The following EPHA1 variants were observed in gnomAD, a reference collection of about 807,000 sequenced individuals.
EPHA1 encodes EPH receptor A1.
Under a neutral mutation model 110.1 loss-of-function variants are expected in EPHA1, and 92 were observed. That is an observed-to-expected ratio of 0.84 (90% confidence interval 0.71 to 0.99). The LOEUF is 0.99. Among genes scored for constraint, EPHA1 ranks in the 50% least tolerant of loss-of-function variants. The pLI, the probability that EPHA1 is intolerant of heterozygous loss-of-function variation, is 0.00. For missense variants in EPHA1, 1,204 were observed against 1,285.4 expected, an observed-to-expected ratio of 0.94 and a Z score of 0.97; for synonymous variants, 500 against 516.1, an observed-to-expected ratio of 0.97 and a Z score of 0.42.
Position 143,393,472 on chromosome 7 carries a change from C to G in EPHA1, c.2696+199G>C, listed in dbSNP as rs1329118729. On this transcript the variant is annotated intron_variant, in intron 16 of 17. Transcript: ENST00000275815. This position sits in a 1 kb window ranked among gnomAD's most constrained non-coding sequence, Gnocchi z 5.6. ...CAGGTGAAGTGAGGGAACTGGGGCC[C>G]AGCCATAACTGATTTTCTGCAAATA... Among the ~76,000 whole-genome samples, 1 of 152,148 alleles carries G rather than the reference C, an allele frequency of 6.6e-6. No individual in the cohort carries two copies. The highest frequency in any genetic ancestry group is 1.5e-5 in the Non-Finnish European group (1 of 68,026).
chr7:143,400,628 T>TA (rs1469560799), intron 3 of EPHA1, among the ~76,000 whole-genome samples: 1 of 152,224 alleles, frequency 6.6e-6, no homozygotes, highest in Admixed American at 6.5e-5. Flanking sequence ...ACTCCAGTGA[T>TA]ACTATGGGAG....
chr7:143,394,429 T>G (rs1369350319), intron 14 of EPHA1, 86 bp from the exon 15 acceptor site: 2 of 1,440,500 alleles, frequency 1.4e-6, no homozygotes, highest in Non-Finnish European at 1.8e-6. Flanking sequence ...TATTTTTATT[T>G]TATTTTTTTT....
At position 143,398,417 on chromosome 7, in the gene EPHA1, C is replaced by T; in HGVS notation, c.1368G>A (p.Val456=). The T allele has an allele frequency of 1.9e-6, 3 of 1,614,154 alleles. No individual in the cohort carries two copies. The highest frequency in any genetic ancestry group is 2.5e-6 in the Non-Finnish European group (3 of 1,180,000). ...GCTCTAGTTGCCTCGGTTCTTTCTT[C>T]ACCAGTCTCAGAGACAGGCCTGACA... ...ESLSGLSLRL[V]KKEPRQLELT... The change falls in exon 7 of 18, where the codon GTG becomes GTA. Residue 456 remains valine, a synonymous_variant. Coordinates refer to ENST00000275815, the MANE Select transcript of EPHA1 (RefSeq NM_005232.5).
chr7:143,391,818 G>T, intron 16 of EPHA1, 43 bp from the exon 17 acceptor site: 1 of 1,603,834 alleles, frequency 6.2e-7, no homozygotes, highest in South Asian at 1.1e-5. Context: ...TACATGGGCT[G>T]ATCTGGTTGG....
rs1392943742 is a variant in EPHA1 at position 143,401,379 on chromosome 7, T to A, written c.377A>T (p.Tyr126Phe). ...GCCCACATCCTGGTCACTCTCCATG[T>A]ACAGAAGGTTGAAGGTCTCCTTGCA... ...LGCKETFNLL[Y>F]MESDQDVGIQ... Residue 126 changes from tyrosine (Y) to phenylalanine (F), a missense_variant, in exon 3 of 18, where the codon TAC (tyrosine) becomes TTC (phenylalanine). By Grantham distance (22) the Tyr-to-Phe change is conservative. Coordinates refer to ENST00000275815, the MANE Select transcript of EPHA1 (RefSeq NM_005232.5). This position sits in a 1 kb window ranked among gnomAD's most constrained non-coding sequence, Gnocchi z 4.1. The A allele has an allele frequency of 2.8e-5, 45 of 1,613,982 alleles. No homozygotes were observed. Among genetic ancestry groups the A allele is most frequent in the Admixed American group, 6.7e-5 (4 of 60,004 alleles).
intron 8 of EPHA1, 57 bp from the exon 9 acceptor site, chr7:143,397,714 G>A (rs1046462373): frequency 6.2e-7 from 1 of 1,600,030 alleles, no homozygotes; most frequent in African/African-American, 1.3e-5. Flanking sequence ...GGAATGAGGG[G>A]GGTTAAAGGG....
At chr7:143,406,765 A>C (rs1385436803) in intron 2 of EPHA1, among the ~76,000 whole-genome samples, 1 of 152,218 alleles carries the variant, frequency 6.6e-6, no homozygotes, top group Non-Finnish European at 1.5e-5. Flanking sequence ...GAATCCCTAC[A>C]CGCATTTTGG....
At chr7:143,397,810 T>C (rs1161863526) in intron 8 of EPHA1, 110 bp downstream of exon 8, 8 of 1,532,334 alleles carry the variant, frequency 5.2e-6, no homozygotes, top group Non-Finnish European at 6.3e-6. Flanking sequence ...AGGGAGTGTG[T>C]GTGCATGTGT....
chr7:143,392,250 C>T (rs987682685), intron 16 of EPHA1, among the ~76,000 whole-genome samples: 2 of 152,238 alleles, frequency 1.3e-5, no homozygotes, highest in Non-Finnish European at 2.9e-5. Context: ...TTCTTGCACT[C>T]TGACACCCAC....
intron 2 of EPHA1, among the ~76,000 whole-genome samples, chr7:143,404,897 C>T (rs748571319): frequency 6.6e-6 from 1 of 151,956 alleles, no homozygotes; most frequent in Non-Finnish European, 1.5e-5. Context: ...TAGACTGAGG[C>T]CCTTAGAAAG....
rs1213097190 is a variant in EPHA1 at position 143,393,541 on chromosome 7, G to A, written c.2696+130C>T. 1.4e-5 allele frequency: 14 copies of A among 1,006,258 alleles called. No individual in the cohort carries two copies. The highest frequency in any genetic ancestry group is 3.4e-5 in the South Asian group (2 of 58,470). The allele number at this position is 1,006,258 out of a possible 1,614,324, so 62.3% of individuals were successfully genotyped here. ...CCTCTTGGACTCTCCCCAAGGGCAC[G>A]TCTTGCCTCATACACTGGACTTGGT... is the stretch of plus-strand genomic sequence containing the variant. On this transcript the variant is annotated intron_variant, in intron 16 of 17. Transcript: ENST00000275815. This position sits in a 1 kb window ranked among gnomAD's most constrained non-coding sequence, Gnocchi z 5.6.
At position 143,391,331 on chromosome 7, in the gene EPHA1, G is replaced by A; in HGVS notation, c.*126C>T. 2 of 1,131,140 alleles carry A rather than the reference G, an allele frequency of 1.8e-6. No individual in the cohort carries two copies. The highest frequency in any genetic ancestry group is 3.0e-5 in the South Asian group (2 of 66,948). 70.1% of individuals were successfully genotyped at this position (1,131,140 alleles called of 1,614,324 possible). A position where few individuals can be genotyped will look rare whatever the true frequency, so the allele number is the denominator to read the frequency against. ...TGCAGAGCAGGGTTCTCCTGAAAGT[G>A]GGCAGAAGCAGCACCGATAGCCTAG... On this transcript the variant is annotated 3_prime_UTR_variant, in exon 18 of 18. Coordinates refer to ENST00000275815, the MANE Select transcript of EPHA1 (RefSeq NM_005232.5).
At chr7:143,398,181 G>C (rs958342527) in intron 7 of EPHA1, 111 bp from the exon 8 acceptor site, 5 of 1,575,762 alleles carry the variant, frequency 3.2e-6, no homozygotes, top group African/African-American at 1.3e-5. Flanking sequence ...GGTTAGGACA[G>C]GGTTCTTCAT....
Position 143,399,732 on chromosome 7 carries a change from C to G in EPHA1, c.754G>C (p.Asp252His). Residue 252 changes from aspartate to histidine, a missense_variant, in exon 4 of 18, where the codon GAT (aspartate) becomes CAT (histidine). Coordinates refer to ENST00000275815, the MANE Select transcript of EPHA1 (RefSeq NM_005232.5). ...CCTACAGGCACCAGCCACTCGCCAT[C>G]AGGGCTGCAGTGCATGCGGGGTGCA... ...SGAPRMHCSP[D>H]GEWLVPVGRC... 1.2e-6 allele frequency: 2 copies of G among 1,613,936 alleles called. No individual in the cohort carries two copies. The highest frequency in any genetic ancestry group is 1.7e-6 in the Non-Finnish European group (2 of 1,180,040).
chr7:143,400,130 G>T, intron 3 of EPHA1, 77 bp from the exon 4 acceptor site: 1 of 1,475,998 alleles, frequency 6.8e-7, no homozygotes. Context: ...ACAATCGTTT[G>T]CTTAATACTT....
chr7:143,393,759 G>A lies in EPHA1; in HGVS notation c.2608C>T (p.Arg870Trp), dbSNP rs374097841. ...GCCTGAAGCTTCTGGAAGTGTGGCC[G>A]GCGGGCACGGTCATATGCCCAGCAG... ...KNCWAYDRAR[R>W]PHFQKLQAHL... Residue 870 changes from arginine (R) to tryptophan (W), a missense_variant, in exon 16 of 18, where the codon CGG becomes TGG. Arg to Trp is a moderately radical substitution (Grantham distance 101). Coordinates refer to ENST00000275815, the MANE Select transcript of EPHA1 (RefSeq NM_005232.5). The surrounding 1 kb of genome is among the most constrained non-coding windows in gnomAD (Gnocchi z 5.6). The A allele has an allele frequency of 6.8e-6, 11 of 1,613,316 alleles. No homozygotes were observed. The highest frequency in any genetic ancestry group is 2.7e-5 in the African/African-American group (2 of 74,844).
In EPHA1 at chr7:143,394,997, C is replaced by T. The variant is rs1267942565; in HGVS notation, c.2163G>A (p.Leu721=). ...DAFLREREDQ[L]VPGQLVAMLQ... ...GCATGGCCACTAGCTGCCCAGGGACCAGCTGGTCCTCCCGCTCCTGCAGCA... is the reference window on the plus strand; with the variant it reads ...GCATGGCCACTAGCTGCCCAGGGACTAGCTGGTCCTCCCGCTCCTGCAGCA... Residue 721 remains leucine (L), a synonymous_variant, in exon 14 of 18, where the codon CTG becomes CTA. Coordinates refer to ENST00000275815, the MANE Select transcript of EPHA1 (RefSeq NM_005232.5). 1 of 1,614,086 alleles carries T rather than the reference C, an allele frequency of 6.2e-7. No individual in the cohort carries two copies. The highest frequency in any genetic ancestry group is 1.7e-5 in the Admixed American group (1 of 60,018).
chr7:143,394,169 A>T, intron 15 of EPHA1, 25 bp downstream of exon 15: 1 of 1,597,586 alleles, frequency 6.3e-7, no homozygotes, highest in Non-Finnish European at 8.6e-7. Context: ...TGGAGACAAG[A>T]TGAGGAAGAA....
chr7:143,399,435 G>A (rs2116627132), intron 4 of EPHA1, 22 bp from the exon 5 acceptor site: 4 of 1,560,008 alleles, frequency 2.6e-6, no homozygotes, highest in Middle Eastern at 1.8e-4. Context: ...ACGCAGCAGA[G>A]CAGTGGTTCT....
Sources: allele counts gnomAD v4.1 joint callset (sites outside exome capture counted in the v4.1 genomes callset), GRCh38; gene constraint gnomAD v4.1.1; non-coding constraint Gnocchi (gnomAD v3.1); transcripts MANE v1.5; gene names NCBI Gene and HGNC (gene_info 2026-07-23, HGNC 2026-07-21).